SYNE2: variants seen among roughly 807,000 people sequenced by gnomAD.
SYNE2 encodes the protein spectrin repeat containing nuclear envelope protein 2, also known as nesprin-2.
Under a neutral mutation model 856.3 loss-of-function variants are expected in SYNE2, and 431 were observed. The observed-to-expected ratio is 0.50, with a 90% confidence interval of 0.47 to 0.55. SYNE2 has a LOEUF of 0.55. Ranked by LOEUF, SYNE2 falls within the 20% of genes least tolerant of loss-of-function variation. The pLI, the probability that SYNE2 is intolerant of heterozygous loss-of-function variation, is 0.00. For missense variants in SYNE2, 8,129 were observed against 8,023.2 expected (o/e 1.01, Z -0.50); for synonymous variants, 2,923 against 2,872.3 (o/e 1.02, Z -0.56).
intron 2 of SYNE2, among the ~76,000 whole-genome samples, chr14:63,938,382 T>C (rs1349663904): frequency 2.0e-5 from 3 of 152,116 alleles, no homozygotes; most frequent in African/African-American, 4.8e-5. Flanking sequence ...CAGTGAGTCA[T>C]GATCACACCC....
intron 96 of SYNE2, among the ~76,000 whole-genome samples, chr14:64,179,686 A>G (rs2098449530): frequency 1.3e-5 from 2 of 151,882 alleles, no homozygotes; most frequent in African/African-American, 4.8e-5. Flanking sequence ...CCTTTTGTGA[A>G]TTGCCTATTT....
At chr14:63,951,599 G>A (rs186364211) in intron 7 of SYNE2, among the ~76,000 whole-genome samples, 121 of 152,196 alleles carry the variant, frequency 8.0e-4, no homozygotes, top group African/African-American at 2.0e-3. Flanking sequence ...CGCTGCTCCC[G>A]GCCCAGCCTT....
At chr14:64,215,457 C>A in intron 107 of SYNE2, 103 bp downstream of exon 107, 1 of 1,115,490 alleles carries the variant, frequency 9.0e-7, no homozygotes, top group South Asian at 1.2e-5. Flanking sequence ...CTTCTGTGGA[C>A]ACCATGCGCC....
At position 63,979,318 on chromosome 14, in the gene SYNE2, C is replaced by G. The variant is rs796749499; in HGVS notation, c.1569+304C>G. The stretch of plus-strand genomic sequence containing the variant: ...TTTTTCATTAAAAATTCCGCTTTCA[C>G]TTACTTGAAATGTTAATTTTTGTTT... On this transcript the variant is annotated intron_variant, in intron 14 of 115. Coordinates refer to ENST00000555002, the MANE Select transcript of SYNE2 (RefSeq NM_182914.3). 1.2e-4 allele frequency among the ~76,000 whole-genome samples: 19 copies of G among 152,256 alleles called. 1 individual carries two copies. Among genetic ancestry groups the G allele is most frequent in the African/African-American group, 3.6e-4 (15 of 41,562 alleles).
At chr14:63,940,549 C>T in intron 2 of SYNE2, 65 bp from the exon 3 acceptor site, 1 of 1,460,328 alleles carries the variant, frequency 6.8e-7, no homozygotes. Flanking sequence ...CTTTGAAGCT[C>T]TGATATGTGC....
chr14:64,070,755 A>T lies in SYNE2; in HGVS notation c.10542A>T (p.Leu3514Phe). 6.2e-7 allele frequency: 1 copy of T among 1,614,234 alleles called. No homozygotes were observed. Among genetic ancestry groups the T allele is most frequent in the South Asian group, 1.1e-5 (1 of 91,092 alleles). ...AACTCTCTGAGCTGCTAGACTGTTT[A>T]TGCCAATATGGAGAGAACGTGGAGA... ...TEELSELLDCLCQYGENVEKQ... is the reference protein window; with the variant it reads ...TEELSELLDCFCQYGENVEKQ... Residue 3514 changes from leucine to phenylalanine, a missense_variant, in exon 52 of 116, where the codon TTA (leucine) becomes TTT (phenylalanine). Around this residue, in one of 3 missense-constraint regions of SYNE2, gnomAD observed 5,410 missense variants for 5,284.8 expected, o/e 1.02. Coordinates refer to ENST00000555002, the MANE Select transcript of SYNE2 (RefSeq NM_182914.3).
At chr14:63,874,484 G>T (rs2094668888) in intron 1 of SYNE2, among the ~76,000 whole-genome samples, 1 of 152,136 alleles carries the variant, frequency 6.6e-6, no homozygotes, top group South Asian at 2.1e-4. Flanking sequence ...AGGCCAAGGG[G>T]TTCCAGGAAG....
At chr14:63,767,484 ATTAAG>A (rs1214586122) in intron 1 of SYNE2, among the ~76,000 whole-genome samples, 2 of 152,172 alleles carry the variant, frequency 1.3e-5, no homozygotes, top group Non-Finnish European at 2.9e-5. Flanking sequence ...AATCATTTAA[ATTAAG>A]TTATTTGACA....
At chr14:63,940,130 T>C (rs976020844) in intron 2 of SYNE2, among the ~76,000 whole-genome samples, 5 of 149,184 alleles carry the variant, frequency 3.4e-5, no homozygotes, top group Non-Finnish European at 7.4e-5. Context: ...CAGGCTGCAG[T>C]GCAGGGGCAT....
In SYNE2 at chr14:64,132,423, G is replaced by C; in HGVS notation, c.14499G>C (p.Leu4833=). The C allele has an allele frequency of 6.2e-7, 1 of 1,614,200 alleles. No homozygotes were observed. The highest frequency in any genetic ancestry group is 8.5e-7 in the Non-Finnish European group (1 of 1,180,032). The part of the protein sequence containing the change: ...EEKSRQCGMK[L]QSLLQKWEEF... The stretch of plus-strand genomic sequence containing the variant: ...AGTCACGCCAATGTGGTATGAAGCT[G>C]CAGAGTTTGTTGCAGGTATTTGGGT... Residue 4833 remains leucine (L), a synonymous_variant, in exon 77 of 116, where the codon CTG becomes CTC. Coordinates refer to ENST00000555002, the MANE Select transcript of SYNE2 (RefSeq NM_182914.3).
At chr14:63,844,556 T>C (rs1890171454) in intron 1 of SYNE2, among the ~76,000 whole-genome samples, 2 of 152,234 alleles carry the variant, frequency 1.3e-5, no homozygotes, top group African/African-American at 2.4e-5. Context: ...TTACATAAAG[T>C]ATTTTTAAAA....
chr14:64,199,338 C>T lies in SYNE2; in HGVS notation c.18039-3463C>T, dbSNP rs187478057. ...ACTACCCAGGTTAGAATCCTGCTTC[C>T]GCTATTGACCATGTGACTTGGGCAA... On this transcript the variant is annotated intron_variant, in intron 99 of 115. Coordinates refer to ENST00000555002, the MANE Select transcript of SYNE2 (RefSeq NM_182914.3). 1.4e-3 allele frequency among the ~76,000 whole-genome samples: 217 copies of T among 152,278 alleles called. 3 individuals are homozygous for T. The highest frequency in any genetic ancestry group is 1.6e-3 in the Admixed American group (25 of 15,290).
chr14:63,828,855 T>C (rs1889561695), intron 1 of SYNE2, among the ~76,000 whole-genome samples: 2 of 152,310 alleles, frequency 1.3e-5, no homozygotes, highest in African/African-American at 2.4e-5. Flanking sequence ...GGTATCATCG[T>C]GTGTTTCTGA....
At chr14:63,944,278 TTATATATA>T (rs71123818) in intron 6 of SYNE2, among the ~76,000 whole-genome samples, 2 of 144,054 alleles carry the variant, frequency 1.4e-5, no homozygotes, top group Non-Finnish European at 3.0e-5. Context: ...TTCTGAATTT[TTATATATA>T]TATATATATA....
At chr14:63,883,325 C>G (rs1156857601) in intron 1 of SYNE2, among the ~76,000 whole-genome samples, 1 of 151,888 alleles carries the variant, frequency 6.6e-6, no homozygotes, top group Non-Finnish European at 1.5e-5. Flanking sequence ...TCCCAAAGTG[C>G]TAGGATTACA....
At chr14:64,130,380 A>T in intron 76 of SYNE2, 132 bp downstream of exon 76, 1 of 860,468 alleles carries the variant, frequency 1.2e-6, no homozygotes, top group Non-Finnish European at 1.9e-6. Context: ...ATAAACATCT[A>T]TTAGAATGCT....
intron 1 of SYNE2, among the ~76,000 whole-genome samples, chr14:63,773,455 C>T (rs543852412): frequency 4.6e-5 from 7 of 152,248 alleles, no homozygotes; most frequent in African/African-American, 1.4e-4. Flanking sequence ...CCCGCCTCAC[C>T]CTTCTAAAGT....
At chr14:63,869,263 A>G (rs1452932290) in intron 1 of SYNE2, among the ~76,000 whole-genome samples, 1 of 152,222 alleles carries the variant, frequency 6.6e-6, no homozygotes, top group Non-Finnish European at 1.5e-5. Flanking sequence ...AAAAATGAGA[A>G]GTGCTTTAAA....
At chr14:64,177,213 G>A in intron 95 of SYNE2, 145 bp from the exon 96 acceptor site, 1 of 1,000,564 alleles carries the variant, frequency 1.0e-6, no homozygotes, top group South Asian at 1.5e-5. Context: ...ACCATAGTCT[G>A]CTTAAGACAG....
Sources: gnomAD v4.1 joint callset for allele counts (sites outside exome capture counted in the v4.1 genomes callset) on GRCh38, gnomAD v4.1.1 for gene constraint, gnomAD v4.1.1 regional missense constraint, MANE v1.5 for transcripts, NCBI Gene and HGNC (gene_info 2026-07-23, HGNC 2026-07-21) for gene names.